C12orf56: variants seen among roughly 807,000 people sequenced by gnomAD.
C12orf56 encodes chromosome 12 open reading frame 56.
A neutral mutation model predicts 69.9 loss-of-function variants in C12orf56; 71 were observed. The ratio of observed to expected loss-of-function variants is 1.02; its 90% CI spans 0.84 to 1.24. The LOEUF (loss-of-function observed/expected upper bound fraction) is 1.24, where lower values mean the gene tolerates loss of function less well. C12orf56 is among the 50% of genes most tolerant of loss of function. The pLI, the probability that C12orf56 is intolerant of heterozygous loss-of-function variation, is 0.00. For synonymous variants in C12orf56, 276 were observed against 274.1 expected (o/e 1.01, Z -0.07); for missense variants, 732 against 738.5 (o/e 0.99, Z 0.10).
intron 1 of C12orf56, among the ~76,000 whole-genome samples, chr12:64,362,467 G>A (rs2039411894): frequency 6.6e-6 from 1 of 152,012 alleles, no homozygotes; most frequent in Non-Finnish European, 1.5e-5. Context: ...TGAAGGGGGT[G>A]GATCACCTGA....
At chr12:64,346,536 A>G (rs1399214289) in intron 2 of C12orf56, among the ~76,000 whole-genome samples, 2 of 152,166 alleles carry the variant, frequency 1.3e-5, no homozygotes, top group African/African-American at 4.8e-5. Context: ...CAACCCATTT[A>G]AAAATTTTTA....
chr12:64,390,279 G>C (rs1197742852), intron 1 of C12orf56, 35 bp downstream of exon 1: 1 of 1,565,996 alleles, frequency 6.4e-7, no homozygotes, highest in Non-Finnish European at 8.6e-7. Flanking sequence ...TTCTCACTGC[G>C]CTCCCGAGCC....
chr12:64,312,574 A>C (rs2038634007), intron 5 of C12orf56, 105 bp downstream of exon 5: 2 of 822,490 alleles, frequency 2.4e-6, no homozygotes, highest in African/African-American at 3.4e-5. Flanking sequence ...GTGCCACTGC[A>C]CTCCAGCCTG....
intron 11 of C12orf56, among the ~76,000 whole-genome samples, chr12:64,272,715 T>G (rs1187251685): frequency 4.6e-5 from 7 of 152,230 alleles, no homozygotes; most frequent in Non-Finnish European, 5.9e-5. Flanking sequence ...CTTGCACATA[T>G]GAGCTTCCAT....
intron 3 of C12orf56, among the ~76,000 whole-genome samples, chr12:64,329,493 G>GTTTATTTATTTA (rs148485048): frequency 6.8e-6 from 1 of 147,874 alleles, no homozygotes; most frequent in African/African-American, 2.5e-5. Context: ...TGTAGTAATG[G>GTTTATTTATTTA]TTTATTTATT....
intron 11 of C12orf56, among the ~76,000 whole-genome samples, chr12:64,273,947 C>G (rs1008064155): frequency 6.6e-6 from 1 of 152,042 alleles, no homozygotes; most frequent in Admixed American, 6.6e-5. Flanking sequence ...TATGAGTGGG[C>G]ACTAATGGCT....
At chr12:64,336,507 G>T (rs1255111705) in intron 2 of C12orf56, among the ~76,000 whole-genome samples, 1 of 152,118 alleles carries the variant, frequency 6.6e-6, no homozygotes, top group Non-Finnish European at 1.5e-5. Flanking sequence ...AATTATGCTT[G>T]TGGACAAGGA....
At position 64,355,616 on chromosome 12, in the gene C12orf56, A is replaced by G. The variant is rs1247382814; in HGVS notation, c.253-2560T>C. 2.0e-5 allele frequency: 3 copies of G among 152,264 alleles called. No individual in the cohort carries two copies. The South Asian group carries it at 6.2e-4, about 31-fold the overall frequency. 9.4% of individuals were successfully genotyped at this position (152,264 alleles called of 1,614,324 possible). A position where few individuals can be genotyped will look rare whatever the true frequency, so the allele number is the denominator to read the frequency against. On this transcript the variant is annotated intron_variant, in intron 1 of 12. Coordinates refer to ENST00000543942, the MANE Select transcript of C12orf56 (RefSeq NM_001170633.2). ...AATTTCCAAGATCCTTAGGTAACTTAAAGCCTTGGGCAGATATTAAATTGA... is the reference window on the plus strand; with the variant it reads ...AATTTCCAAGATCCTTAGGTAACTTGAAGCCTTGGGCAGATATTAAATTGA...
intron 8 of C12orf56, among the ~76,000 whole-genome samples, chr12:64,283,617 G>A (rs565038128): frequency 1.3e-5 from 2 of 152,016 alleles, no homozygotes; most frequent in African/African-American, 4.8e-5. Flanking sequence ...TGCTTAAAAA[G>A]GAAGCTTGTT....
chr12:64,345,486 C>T (rs2039128491), intron 2 of C12orf56, among the ~76,000 whole-genome samples: 1 of 152,222 alleles, frequency 6.6e-6, no homozygotes, highest in South Asian at 2.1e-4. Flanking sequence ...CACACATTCC[C>T]ATTCCAAGTT....
intron 7 of C12orf56, 56 bp from the exon 8 acceptor site, chr12:64,284,809 A>T (rs1183573097): frequency 7.4e-7 from 1 of 1,348,092 alleles, no homozygotes; most frequent in Non-Finnish European, 1.0e-6. Flanking sequence ...AGAAGCTCAG[A>T]ATTCCACAAA....
intron 1 of C12orf56, among the ~76,000 whole-genome samples, chr12:64,358,540 T>C (rs2039354969): frequency 7.1e-6 from 1 of 141,308 alleles, no homozygotes; most frequent in African/African-American, 2.6e-5. Flanking sequence ...AAGCCTGTGA[T>C]TGCAGCACTT....
At chr12:64,337,645 C>T (rs561793360) in intron 2 of C12orf56, among the ~76,000 whole-genome samples, 2 of 152,108 alleles carry the variant, frequency 1.3e-5, no homozygotes, top group African/African-American at 4.8e-5. Context: ...TCATTTGAGG[C>T]CAGCAGTTTG....
At chr12:64,273,369 T>C (rs983624694) in intron 11 of C12orf56, among the ~76,000 whole-genome samples, 1 of 152,100 alleles carries the variant, frequency 6.6e-6, no homozygotes, top group Non-Finnish European at 1.5e-5. Flanking sequence ...TTTAGATTAC[T>C]CTTTTGAAGA....
At chr12:64,374,053 C>T (rs1367821965) in intron 1 of C12orf56, among the ~76,000 whole-genome samples, 1 of 152,118 alleles carries the variant, frequency 6.6e-6, no homozygotes, top group African/African-American at 2.4e-5. Flanking sequence ...TTATATTCTA[C>T]CTGGGCTTTA....
At chr12:64,372,491 A>G (rs905917444) in intron 1 of C12orf56, among the ~76,000 whole-genome samples, 22 of 152,060 alleles carry the variant, frequency 1.4e-4, no homozygotes, top group Non-Finnish European at 2.5e-4. Flanking sequence ...ATGATCTTGA[A>G]GCTTTTAGTA....
intron 1 of C12orf56, among the ~76,000 whole-genome samples, chr12:64,386,585 G>A (rs1177104087): frequency 6.6e-6 from 1 of 151,960 alleles, no homozygotes; most frequent in Non-Finnish European, 1.5e-5. Context: ...TAGTAGAGAC[G>A]GGGTGTCTCC....
intron 6 of C12orf56, among the ~76,000 whole-genome samples, chr12:64,297,356 A>G (rs2038380026): frequency 6.6e-6 from 1 of 151,854 alleles, no homozygotes; most frequent in East Asian, 1.9e-4. Context: ...TGAAGTGTAG[A>G]GAGACCACAA....
At chr12:64,327,531 A>C (rs1422265830) in intron 3 of C12orf56, among the ~76,000 whole-genome samples, 1 of 152,228 alleles carries the variant, frequency 6.6e-6, no homozygotes, top group Non-Finnish European at 1.5e-5. Flanking sequence ...ATAAATGGGG[A>C]GCATTATTGG....
Sources: gnomAD v4.1 joint callset for allele counts (sites outside exome capture counted in the v4.1 genomes callset) on GRCh38, gnomAD v4.1.1 for gene constraint, MANE v1.5 for transcripts, NCBI Gene and HGNC (gene_info 2026-07-23, HGNC 2026-07-21) for gene names.